The following CATSPERB variants were observed in gnomAD, a reference collection of about 807,000 sequenced individuals.
CATSPERB encodes the protein catsper channel auxiliary subunit beta.
Under a neutral mutation model 128.3 loss-of-function variants are expected in CATSPERB, and 93 were observed. The ratio of observed to expected loss-of-function variants is 0.72; its 90% CI spans 0.61 to 0.86. The LOEUF is 0.86. Ranked by LOEUF, CATSPERB falls within the 40% of genes least tolerant of loss-of-function variation. The pLI is 0.00. For synonymous variants in CATSPERB, 381 were observed against 448.8 expected (o/e 0.85, Z 1.91); for missense variants, 1,153 against 1,329.5 (o/e 0.87, Z 2.06).
chr14:91,702,306 T>C (rs1372612345), intron 7 of CATSPERB, among the ~76,000 whole-genome samples: 1 of 151,594 alleles, frequency 6.6e-6, no homozygotes, highest in African/African-American at 2.4e-5. Flanking sequence ...TAGTGTAGAA[T>C]ATGACAGCAG....
At chr14:91,636,080 T>C (rs922158233) in intron 17 of CATSPERB, 2 of 193,626 alleles carry the variant, frequency 1.0e-5, no homozygotes, top group Non-Finnish European at 2.1e-5. Flanking sequence ...TAGATTCTAT[T>C]GGCCAGCTGC....
At chr14:91,624,315 C>T (rs1203251394) in intron 18 of CATSPERB, among the ~76,000 whole-genome samples, 1 of 152,216 alleles carries the variant, frequency 6.6e-6, no homozygotes, top group Non-Finnish European at 1.5e-5. Flanking sequence ...AACCCCATCT[C>T]TACTAAAATA....
At chr14:91,648,064 T>G (rs1007531112) in intron 15 of CATSPERB, among the ~76,000 whole-genome samples, 1 of 152,178 alleles carries the variant, frequency 6.6e-6, no homozygotes, top group African/African-American at 2.4e-5. Flanking sequence ...CTTCCTCCTA[T>G]TTCACAGCCA....
intron 5 of CATSPERB, among the ~76,000 whole-genome samples, chr14:91,718,247 A>T (rs1314598380): frequency 6.6e-6 from 1 of 152,326 alleles, no homozygotes; most frequent in South Asian, 2.1e-4. Context: ...CCAATAAGAA[A>T]ATTAATTTGA....
At chr14:91,679,539 T>C (rs578139002) in intron 11 of CATSPERB, among the ~76,000 whole-genome samples, 11 of 152,312 alleles carry the variant, frequency 7.2e-5, no homozygotes, top group African/African-American at 2.4e-4. Flanking sequence ...CTTTATTAGA[T>C]TTTTGATGGC....
At chr14:91,596,276 T>G (rs1482512654) in intron 22 of CATSPERB, among the ~76,000 whole-genome samples, 1 of 152,060 alleles carries the variant, frequency 6.6e-6, no homozygotes, top group East Asian at 1.9e-4. Context: ...CAATCTCGGC[T>G]CACTACAAGC....
chr14:91,699,693 C>A lies in CATSPERB; in HGVS notation c.616+4859G>T, dbSNP rs562930064. ...GGTTCAAGAGATTCTCCTGCCTCAG[C>A]CTCCCGAGTAGCTGGAATTACAGGC... On this transcript the variant is annotated intron_variant, in intron 7 of 26. Coordinates refer to ENST00000256343, the MANE Select transcript of CATSPERB (RefSeq NM_024764.4). Among the ~76,000 whole-genome samples, 16 of 151,746 alleles carry A rather than the reference C, an allele frequency of 1.1e-4. No homozygotes were observed. The South Asian group carries it at 1.5e-3, about 14-fold the overall frequency.
chr14:91,725,283 A>G (rs1054135096), intron 2 of CATSPERB, 115 bp from the exon 3 acceptor site: 2 of 459,252 alleles, frequency 4.4e-6, no homozygotes, highest in East Asian at 3.5e-5. Context: ...ATAATTGCAC[A>G]TTTTAAATTC....
chr14:91,653,195 T>C (rs2139816381), intron 15 of CATSPERB, among the ~76,000 whole-genome samples: 1 of 152,206 alleles, frequency 6.6e-6, no homozygotes, highest in South Asian at 2.1e-4. Flanking sequence ...TTTTAAACTA[T>C]ACAATAAAAA....
intron 15 of CATSPERB, among the ~76,000 whole-genome samples, chr14:91,649,362 T>TGTGTGTGTGTAG (rs10684529): frequency 2.3e-4 from 34 of 149,810 alleles, no homozygotes; most frequent in African/African-American, 8.1e-4. Flanking sequence ...TGTGTGTGTG[T>TGTGTGTGTGTAG]AGAGATTGTT....
rs1895106256 is a variant in CATSPERB, at chr14:91,672,114, C to T, written c.1128+753G>A. ...TCACTGAGTTTCCCATGTGTGCACACTGCACATGTAAATAAACTGTTTTCT... is the reference window on the plus strand; with the variant it reads ...TCACTGAGTTTCCCATGTGTGCACATTGCACATGTAAATAAACTGTTTTCT... On this transcript the variant is annotated intron_variant, in intron 13 of 26. Transcript: ENST00000256343. Among the ~76,000 whole-genome samples, 3 of 152,300 alleles carry T rather than the reference C, an allele frequency of 2.0e-5. No homozygotes were observed. The South Asian group carries it at 6.2e-4, about 32-fold the overall frequency.
At chr14:91,636,968 T>C (rs1301253575) in intron 16 of CATSPERB, among the ~76,000 whole-genome samples, 1 of 152,222 alleles carries the variant, frequency 6.6e-6, no homozygotes, top group Non-Finnish European at 1.5e-5. Context: ...CCTCACTTGC[T>C]GCTCCTGATC....
intron 21 of CATSPERB, among the ~76,000 whole-genome samples, chr14:91,608,901 A>C (rs1477843995): frequency 1.3e-5 from 2 of 152,196 alleles, no homozygotes; most frequent in Non-Finnish European, 2.9e-5. Flanking sequence ...CACAGTCAAA[A>C]ATTCACATAT....
chr14:91,604,880 C>G (rs1332919975), intron 22 of CATSPERB: 1 of 1,334,390 alleles, frequency 7.5e-7, no homozygotes, highest in East Asian at 2.3e-5. Context: ...AGATTTCATT[C>G]TCTGGTTCTG....
intron 11 of CATSPERB, among the ~76,000 whole-genome samples, chr14:91,675,836 G>A (rs769783923): frequency 9.9e-5 from 15 of 152,208 alleles, no homozygotes; most frequent in South Asian, 2.1e-4. Context: ...GCTCTTTCTC[G>A]GACCCCAAAG....
chr14:91,632,769 C>T (rs1856395896), intron 17 of CATSPERB, among the ~76,000 whole-genome samples: 1 of 151,290 alleles, frequency 6.6e-6, no homozygotes, highest in African/African-American at 2.4e-5. Flanking sequence ...ATTCAGAACA[C>T]CCCAAAATAT....
rs1206680303 is a variant in CATSPERB at position 91,704,580 on chromosome 14, T to C, written c.588A>G (p.Leu196=). The C allele has an allele frequency of 6.2e-7, 1 of 1,613,646 alleles. No homozygotes were observed. Among genetic ancestry groups the C allele is most frequent in the Non-Finnish European group, 8.5e-7 (1 of 1,179,794 alleles). Residue 196 remains leucine, a synonymous_variant, in exon 7 of 27, where the codon CTA becomes CTG. Transcript: ENST00000256343. ...CAACTATTGTATCCACAATGAAGCC[T>C]AGTAATGCCACATCATTGGCACAGG... is the stretch of plus-strand genomic sequence containing the variant. The part of the protein sequence containing the change: ...KCPCANDVAL[L]GFIVDTIVDG...
At chr14:91,667,798 G>A (rs146248606) in intron 14 of CATSPERB, among the ~76,000 whole-genome samples, 11,826 of 151,424 alleles carry the variant, frequency 0.078, 492 homozygotes, top group Middle Eastern at 0.16. Flanking sequence ...ATCAGACAAT[G>A]CCTTTCAAAC....
intron 20 of CATSPERB, among the ~76,000 whole-genome samples, chr14:91,612,800 G>C (rs1303446047): frequency 6.6e-6 from 1 of 152,124 alleles, no homozygotes; most frequent in Admixed American, 6.6e-5. Context: ...ACTATTAAAG[G>C]AAATACAGAG....
Sources: allele counts gnomAD v4.1 joint callset (sites outside exome capture counted in the v4.1 genomes callset), GRCh38; gene constraint gnomAD v4.1.1; transcripts MANE v1.5; gene names NCBI Gene and HGNC (gene_info 2026-07-23, HGNC 2026-07-21).